NDUFS4: variants seen among roughly 807,000 people sequenced by gnomAD.
NDUFS4 encodes the protein NADH:ubiquinone oxidoreductase subunit S4.
In NDUFS4, 28 loss-of-function variants were observed where a neutral mutation model predicts 24.3. That is an observed-to-expected ratio of 1.15 (90% confidence interval 0.85 to 1.58). The LOEUF (loss-of-function observed/expected upper bound fraction) is 1.58. Ranked by LOEUF, NDUFS4 falls within the 40% of genes most tolerant of loss-of-function variation. The pLI is 0.00. For synonymous variants in NDUFS4, 93 were observed against 69.7 expected, an observed-to-expected ratio of 1.34 and a Z score of -1.67; for missense variants, 223 against 207.9, an observed-to-expected ratio of 1.07 and a Z score of -0.45.
intron 3 of NDUFS4, among the ~76,000 whole-genome samples, chr5:53,652,753 C>A (rs560510496): frequency 5.2e-4 from 79 of 152,158 alleles, no homozygotes; most frequent in African/African-American, 1.8e-3. Context: ...TGTTAGAACT[C>A]AAAGGTAAAA....
intron 3 of NDUFS4, among the ~76,000 whole-genome samples, chr5:53,647,624 C>T (rs891376741): frequency 1.3e-5 from 2 of 152,116 alleles, no homozygotes; most frequent in South Asian, 4.1e-4. Context: ...AGTAGGAGGG[C>T]TGATTCTAGT....
At chr5:53,618,999 A>T (rs772489904) in intron 2 of NDUFS4, among the ~76,000 whole-genome samples, 1 of 151,906 alleles carries the variant, frequency 6.6e-6, no homozygotes, top group Non-Finnish European at 1.5e-5. Flanking sequence ...CTGTAGTCAC[A>T]GCTACTCAGG....
intron 2 of NDUFS4, among the ~76,000 whole-genome samples, chr5:53,638,719 A>T (rs374207666): frequency 1.3e-5 from 2 of 152,126 alleles, no homozygotes; most frequent in African/African-American, 2.4e-5. Flanking sequence ...AAAAAAAATT[A>T]TCTTGATAAA....
chr5:53,614,836 G>T (rs999699022), intron 2 of NDUFS4, among the ~76,000 whole-genome samples: 3 of 151,804 alleles, frequency 2.0e-5, no homozygotes, highest in Admixed American at 1.3e-4. Context: ...AGGAAACTTT[G>T]GCTCTCAAGA....
chr5:53,593,600 CTT>C (rs200245144), intron 1 of NDUFS4, among the ~76,000 whole-genome samples: 1 of 144,606 alleles, frequency 6.9e-6, no homozygotes, highest in South Asian at 2.2e-4. Flanking sequence ...TTATGTTGCC[CTT>C]TTTTTTTTTC....
At chr5:53,665,349 A>T (rs1049185829) in intron 4 of NDUFS4, among the ~76,000 whole-genome samples, 2 of 152,256 alleles carry the variant, frequency 1.3e-5, no homozygotes, top group East Asian at 3.9e-4. Flanking sequence ...CTACTCTTCA[A>T]AGCTGTCAGA....
chr5:53,567,662 T>C (rs1406354877), intron 1 of NDUFS4, among the ~76,000 whole-genome samples: 2 of 152,160 alleles, frequency 1.3e-5, no homozygotes, highest in Non-Finnish European at 2.9e-5. Flanking sequence ...CTTTCTGAGT[T>C]CTCGTGTCTG....
chr5:53,631,551 G>A lies in NDUFS4; in HGVS notation c.178-14682G>A, dbSNP rs141315730. 3.0e-3 allele frequency among the ~76,000 whole-genome samples: 462 copies of A among 152,260 alleles called. 1 individual carries two copies. The highest frequency in any genetic ancestry group is 0.011 in the African/African-American group (438 of 41,552). On this transcript the variant is annotated intron_variant, in intron 2 of 4. Coordinates refer to ENST00000296684, the MANE Select transcript of NDUFS4 (RefSeq NM_002495.4). ...GATTTATTTGTAAGTCCCTGACTGGGGCTGCTTGCCTTTTGTTCGGTGATG... is the reference window on the plus strand; with the variant it reads ...GATTTATTTGTAAGTCCCTGACTGGAGCTGCTTGCCTTTTGTTCGGTGATG...
intron 3 of NDUFS4, among the ~76,000 whole-genome samples, chr5:53,656,215 A>AT (rs34622186): frequency 0.77 from 115,358 of 149,298 alleles, 44,574 homozygotes; most frequent in African/African-American, 0.82. Context: ...CTAGAAGTTT[A>AT]TTTTTTTTTT....
intron 1 of NDUFS4, among the ~76,000 whole-genome samples, chr5:53,590,519 C>T (rs1310466292): frequency 1.3e-5 from 2 of 152,126 alleles, no homozygotes; most frequent in Admixed American, 6.5e-5. Context: ...AAAATTTGTT[C>T]CATGAGGCAG....
At chr5:53,610,420 T>C (rs1750658676) in intron 2 of NDUFS4, among the ~76,000 whole-genome samples, 1 of 151,920 alleles carries the variant, frequency 6.6e-6, no homozygotes, top group African/African-American at 2.4e-5. Context: ...ACACATACAA[T>C]GCAAAAGTTT....
intron 1 of NDUFS4, among the ~76,000 whole-genome samples, chr5:53,602,647 C>A (rs1750362965): frequency 6.6e-6 from 1 of 151,938 alleles, no homozygotes; most frequent in Non-Finnish European, 1.5e-5. Context: ...GACCAAATGC[C>A]ATATATTTGG....
intron 4 of NDUFS4, among the ~76,000 whole-genome samples, chr5:53,680,651 C>A (rs1740634590): frequency 6.6e-6 from 1 of 151,170 alleles, no homozygotes; most frequent in Non-Finnish European, 1.5e-5. Flanking sequence ...ACAATGAGAA[C>A]ACATGGACAC....
At chr5:53,629,136 AC>A (rs1170302437) in intron 2 of NDUFS4, among the ~76,000 whole-genome samples, 1 of 151,974 alleles carries the variant, frequency 6.6e-6, no homozygotes, top group African/African-American at 2.4e-5. Context: ...TTTGTTATTT[AC>A]CCAGTAGTCA....
At chr5:53,673,915 A>T (rs925949717) in intron 4 of NDUFS4, among the ~76,000 whole-genome samples, 2 of 152,204 alleles carry the variant, frequency 1.3e-5, no homozygotes, top group African/African-American at 4.8e-5. Flanking sequence ...CATGTTCATT[A>T]ACCAACTCAG....
chr5:53,664,351 G>A (rs1752444073), intron 4 of NDUFS4, among the ~76,000 whole-genome samples: 1 of 152,102 alleles, frequency 6.6e-6, no homozygotes, highest in Non-Finnish European at 1.5e-5. Context: ...GGCGTTCTCT[G>A]TATTTCCTGC....
At chr5:53,659,907 TGTG>T (rs1752280187) in intron 4 of NDUFS4, among the ~76,000 whole-genome samples, 1 of 152,170 alleles carries the variant, frequency 6.6e-6, no homozygotes, top group Admixed American at 6.6e-5. Context: ...TGAGAATTGC[TGTG>T]GTGATTAAAT....
chr5:53,585,648 A>G lies in NDUFS4; in HGVS notation c.99-17804A>G, dbSNP rs182300926. Reference sequence around the variant, plus strand: ...TCCCAGCTACTTGGAAGGCTGAGGCAGGAGAATTACTTGAACCTGGGAGGC... The same window carrying G: ...TCCCAGCTACTTGGAAGGCTGAGGCGGGAGAATTACTTGAACCTGGGAGGC... On this transcript the variant is annotated intron_variant, in intron 1 of 4. Coordinates refer to ENST00000296684, the MANE Select transcript of NDUFS4 (RefSeq NM_002495.4). 7.1e-3 allele frequency among the ~76,000 whole-genome samples: 1,075 copies of G among 152,190 alleles called. 8 individuals are homozygous for G. Among genetic ancestry groups the G allele is most frequent in the Middle Eastern group, 0.024 (7 of 294 alleles).
At chr5:53,654,382 G>C (rs1222910038) in intron 3 of NDUFS4, among the ~76,000 whole-genome samples, 3 of 152,008 alleles carry the variant, frequency 2.0e-5, no homozygotes, top group Admixed American at 6.6e-5. Flanking sequence ...CTGTGGAATT[G>C]GCCTGATGCA....
Sources: gnomAD v4.1 joint callset for allele counts (sites outside exome capture counted in the v4.1 genomes callset) on GRCh38, gnomAD v4.1.1 for gene constraint, MANE v1.5 for transcripts, NCBI Gene and HGNC (gene_info 2026-07-23, HGNC 2026-07-21) for gene names.